ARMC9: variants seen among roughly 807,000 people sequenced by gnomAD.
The protein encoded by ARMC9 is armadillo repeat containing 9.
In ARMC9, 94 loss-of-function variants were observed where a neutral mutation model predicts 107.0. The ratio of observed to expected loss-of-function variants is 0.88; its 90% CI spans 0.74 to 1.04. The LOEUF (loss-of-function observed/expected upper bound fraction) is 1.04, where lower values mean the gene tolerates loss of function less well. ARMC9 is among the 50% of genes least tolerant of loss of function. The pLI, the probability that ARMC9 is intolerant of heterozygous loss-of-function variation, is 0.00. For missense variants in ARMC9, 942 were observed against 1,030.1 expected (o/e 0.91, Z 1.17); for synonymous variants, 380 against 396.9 (o/e 0.96, Z 0.51).
At chr2:231,329,934 T>G (rs1324840130) in intron 19 of ARMC9, among the ~76,000 whole-genome samples, 1 of 152,194 alleles carries the variant, frequency 6.6e-6, no homozygotes, top group Non-Finnish European at 1.5e-5. Context: ...TGGCTTTTAT[T>G]TGCTTTTCTT....
intron 17 of ARMC9, 67 bp downstream of exon 17, chr2:231,282,200 A>G: frequency 6.6e-7 from 1 of 1,516,822 alleles, no homozygotes; most frequent in Non-Finnish European, 9.2e-7. Flanking sequence ...TTTTAGAGCA[A>G]GACCTCCTTG....
At chr2:231,262,501 C>A in intron 12 of ARMC9, 103 bp downstream of exon 12, 1 of 1,137,116 alleles carries the variant, frequency 8.8e-7, no homozygotes, top group South Asian at 1.3e-5. Flanking sequence ...TTTTCAGCTT[C>A]GTAACTGTAT....
intron 11 of ARMC9, among the ~76,000 whole-genome samples, chr2:231,260,914 G>A (rs899137755): frequency 6.6e-6 from 1 of 152,060 alleles, no homozygotes; most frequent in Non-Finnish European, 1.5e-5. Flanking sequence ...GCCCCCACCC[G>A]GCTTTTTGCC....
intron 19 of ARMC9, among the ~76,000 whole-genome samples, chr2:231,320,618 G>A (rs1352221125): frequency 2.6e-5 from 4 of 151,512 alleles, no homozygotes; most frequent in South Asian, 2.1e-4. Flanking sequence ...GTGTCCACTC[G>A]CTGGTCTTTC....
At chr2:231,330,831 G>A (rs1334690853) in intron 19 of ARMC9, among the ~76,000 whole-genome samples, 2 of 151,490 alleles carry the variant, frequency 1.3e-5, no homozygotes, top group Non-Finnish European at 2.9e-5. Flanking sequence ...GCAGGCTTTG[G>A]CTAAAGGAAG....
At chr2:231,308,235 C>T (rs1022913299) in intron 19 of ARMC9, among the ~76,000 whole-genome samples, 3 of 152,248 alleles carry the variant, frequency 2.0e-5, no homozygotes, top group African/African-American at 7.2e-5. Flanking sequence ...GGGCCAAGAG[C>T]TTCCCTGGCT....
At chr2:231,326,264 C>G (rs2043310482) in intron 19 of ARMC9, among the ~76,000 whole-genome samples, 1 of 152,306 alleles carries the variant, frequency 6.6e-6, no homozygotes, top group South Asian at 2.1e-4. Flanking sequence ...TTCTCTGGGC[C>G]TCTGTTTCCA....
intron 23 of ARMC9, among the ~76,000 whole-genome samples, chr2:231,366,498 G>A (rs139673088): frequency 2.0e-5 from 3 of 152,172 alleles, no homozygotes; most frequent in Admixed American, 2.0e-4. Context: ...AGGAGTGTGA[G>A]GCCAGCCTGG....
At chr2:231,305,181 G>GTCATCTA (rs1175337716) in intron 19 of ARMC9, among the ~76,000 whole-genome samples, 9 of 152,148 alleles carry the variant, frequency 5.9e-5, no homozygotes, top group Non-Finnish European at 1.3e-4. Context: ...CTATCTACCT[G>GTCATCTA]TCATCTATCA....
chr2:231,358,563 C>A lies in ARMC9; in HGVS notation c.2132-2191C>A, dbSNP rs2045435424. Among the ~76,000 whole-genome samples, 1 of 152,212 alleles carries A rather than the reference C, an allele frequency of 6.6e-6. No homozygotes were observed. Among genetic ancestry groups the A allele is most frequent in the African/African-American group, 2.4e-5 (1 of 41,452 alleles). On this transcript the variant is annotated intron_variant, in intron 22 of 24. Transcript: ENST00000611582. This position sits in a 1 kb window ranked among gnomAD's most constrained non-coding sequence, Gnocchi z 4.5. ...CCCAGGCAGCGCTCCCCACAGGTCT[C>A]CTTGCACACAGCTCGCTGCTGAGTC... is the stretch of plus-strand genomic sequence containing the variant.
chr2:231,226,069 C>T (rs1247870809), intron 6 of ARMC9, among the ~76,000 whole-genome samples: 1 of 152,210 alleles, frequency 6.6e-6, no homozygotes, highest in Non-Finnish European at 1.5e-5. Flanking sequence ...GTTGGCCAGG[C>T]TGGTCTCAAA....
chr2:231,236,444 T>C (rs1215191039), intron 8 of ARMC9, among the ~76,000 whole-genome samples: 1 of 152,214 alleles, frequency 6.6e-6, no homozygotes, highest in Non-Finnish European at 1.5e-5. Flanking sequence ...TAAAATCTAT[T>C]TGTGGACATA....
rs745768413 is a variant in ARMC9, at chr2:231,272,936, A to G, written c.1211-19A>G. 1 of 1,604,320 alleles carries G rather than the reference A, an allele frequency of 6.2e-7. No homozygotes were observed. The highest frequency in any genetic ancestry group is 1.1e-5 in the South Asian group (1 of 89,204). On this transcript the variant is annotated intron_variant, in intron 13 of 24. Transcript: ENST00000611582. ...ATTATTTCTGTCTTTCACCTGTTTC[A>G]TCTCTGGTGTATTATCAGGTCGCCT...
At chr2:231,365,322 C>T (rs1162850628) in intron 23 of ARMC9, among the ~76,000 whole-genome samples, 2 of 152,120 alleles carry the variant, frequency 1.3e-5, no homozygotes, top group Non-Finnish European at 2.9e-5. Context: ...AGCAGCCTGG[C>T]CCTTATATGA....
At chr2:231,337,791 T>A (rs1025151424) in intron 20 of ARMC9, among the ~76,000 whole-genome samples, 1 of 152,164 alleles carries the variant, frequency 6.6e-6, no homozygotes, top group Non-Finnish European at 1.5e-5. Context: ...AACCCCAAAA[T>A]ATCTTGAATC....
chr2:231,274,524 A>G (rs994144138), intron 14 of ARMC9, among the ~76,000 whole-genome samples: 5 of 152,162 alleles, frequency 3.3e-5, no homozygotes, highest in Admixed American at 6.5e-5. Context: ...CTTCGTGTGG[A>G]CATATGTTTC....
chr2:231,323,503 G>A (rs1240509103), intron 19 of ARMC9, among the ~76,000 whole-genome samples: 3 of 152,136 alleles, frequency 2.0e-5, no homozygotes, highest in Admixed American at 6.5e-5. Flanking sequence ...TTGTTAAGCT[G>A]CCCTTCCCAC....
intron 5 of ARMC9, among the ~76,000 whole-genome samples, chr2:231,221,728 G>A (rs937793528): frequency 6.6e-6 from 1 of 151,188 alleles, no homozygotes; most frequent in Non-Finnish European, 1.5e-5. Flanking sequence ...CTACTCAAGA[G>A]GCTGAGGCAG....
chr2:231,272,567 A>C (rs192482031), intron 13 of ARMC9, among the ~76,000 whole-genome samples: 5 of 151,566 alleles, frequency 3.3e-5, no homozygotes, highest in African/African-American at 7.3e-5. Flanking sequence ...TTCAGGCTAG[A>C]GTGTGGTGGC....
Sources: allele counts gnomAD v4.1 joint callset (sites outside exome capture counted in the v4.1 genomes callset), GRCh38; gene constraint gnomAD v4.1.1; non-coding constraint Gnocchi (gnomAD v3.1); transcripts MANE v1.5; gene names NCBI Gene and HGNC (gene_info 2026-07-23, HGNC 2026-07-21).